TMC2: variants seen among roughly 807,000 people sequenced by gnomAD.
TMC2 encodes transmembrane channel like 2.
In TMC2, 102 loss-of-function variants were observed where a neutral mutation model predicts 105.9. The ratio of observed to expected loss-of-function variants is 0.96; its 90% confidence interval spans 0.82 to 1.14. The LOEUF is 1.14. Among genes scored for constraint, TMC2 ranks in the 50% most tolerant of loss-of-function variants. TMC2 has a pLI of 0.00. For missense variants in TMC2, 1,093 were observed against 1,134.3 expected (o/e 0.96, Z 0.52); for synonymous variants, 402 against 422.8 (o/e 0.95, Z 0.60).
chr20:2,598,678 G>C (rs2086327294), intron 10 of TMC2, among the ~76,000 whole-genome samples: 1 of 151,994 alleles, frequency 6.6e-6, no homozygotes, highest in Admixed American at 6.6e-5. Flanking sequence ...AAAGTGCTGG[G>C]ATTACAAGCA....
intron 17 of TMC2, among the ~76,000 whole-genome samples, chr20:2,632,680 C>A (rs928971107): frequency 3.9e-5 from 6 of 152,290 alleles, no homozygotes; most frequent in Admixed American, 6.5e-5. Context: ...ACCTCCACCT[C>A]CTGGGCTCAA....
chr20:2,538,163 A>G (rs996802812), intron 2 of TMC2, among the ~76,000 whole-genome samples: 2 of 151,788 alleles, frequency 1.3e-5, no homozygotes, highest in African/African-American at 4.8e-5. Context: ...CGCTCCTGTG[A>G]CCCGCTGCTG....
At chr20:2,587,281 C>A (rs1339545030) in intron 7 of TMC2, among the ~76,000 whole-genome samples, 1 of 152,050 alleles carries the variant, frequency 6.6e-6, no homozygotes, top group East Asian at 1.9e-4. Context: ...TGGGCACATA[C>A]AAATTTAAGA....
At chr20:2,598,156 T>C (rs1188946546) in intron 10 of TMC2, among the ~76,000 whole-genome samples, 1 of 149,694 alleles carries the variant, frequency 6.7e-6, no homozygotes, top group African/African-American at 2.5e-5. Flanking sequence ...AACTTATTCA[T>C]GTAACCAAAC....
At chr20:2,575,979 A>G (rs1023081636) in intron 5 of TMC2, among the ~76,000 whole-genome samples, 5 of 152,302 alleles carry the variant, frequency 3.3e-5, no homozygotes, top group Admixed American at 3.3e-4. Flanking sequence ...TCCTATTAGG[A>G]ATGCTGACCT....
chr20:2,545,908 A>G (rs867179399), intron 2 of TMC2, among the ~76,000 whole-genome samples: 7 of 121,430 alleles, frequency 5.8e-5, no homozygotes, highest in East Asian at 5.1e-4. Context: ...AAGAAAGAAA[A>G]AAAGAAAGAA....
At chr20:2,578,827 C>T (rs6115021) in intron 5 of TMC2, among the ~76,000 whole-genome samples, 16,269 of 152,274 alleles carry the variant, frequency 0.11, 992 homozygotes, top group African/African-American at 0.15. Flanking sequence ...CTAACTCAAT[C>T]GGACCCTCCA....
At position 2,616,270 on chromosome 20, in the gene TMC2, T is replaced by A. The variant is rs1290868286; in HGVS notation, c.1940+66T>A. The A allele has an allele frequency of 1.5e-6, 2 of 1,367,010 alleles. No homozygotes were observed. The highest frequency in any genetic ancestry group is 2.1e-6 in the Non-Finnish European group (2 of 955,772). 84.7% of individuals were successfully genotyped at this position (1,367,010 alleles called of 1,614,324 possible). A position where few individuals can be genotyped will look rare whatever the true frequency, so the allele number is the denominator to read the frequency against. ...AGTCAAAAAACTGGAATCCCAGACT[T>A]TGCAACTTAACTAGTTGGAAGAGGC... On this transcript the variant is annotated intron_variant, in intron 15 of 19. Coordinates refer to ENST00000358864, the MANE Select transcript of TMC2 (RefSeq NM_080751.3). The surrounding 1 kb of genome is among the most constrained non-coding windows in gnomAD (Gnocchi z 4.8).
At chr20:2,602,931 T>G (rs188699089) in intron 11 of TMC2, among the ~76,000 whole-genome samples, 106 of 152,356 alleles carry the variant, frequency 7.0e-4, no homozygotes, top group Non-Finnish European at 1.3e-3. Flanking sequence ...ATCTTTTGAA[T>G]CCACCTTAGC....
At chr20:2,611,866 A>C (rs13038185) in intron 12 of TMC2, among the ~76,000 whole-genome samples, 1 of 85,746 alleles carries the variant, frequency 1.2e-5, no homozygotes, top group African/African-American at 4.1e-5. Context: ...GGATGGATGG[A>C]TGGGTGGGTG....
At chr20:2,573,556 C>T (rs1045221934) in intron 5 of TMC2, among the ~76,000 whole-genome samples, 57 of 130,904 alleles carry the variant, frequency 4.4e-4, no homozygotes, top group African/African-American at 4.4e-4. Context: ...TTTTTCTTTT[C>T]TTTTCTTTTT....
chr20:2,585,070 T>C (rs1029423246), intron 7 of TMC2, among the ~76,000 whole-genome samples: 2 of 152,220 alleles, frequency 1.3e-5, no homozygotes, highest in African/African-American at 4.8e-5. Flanking sequence ...TAGAAATATG[T>C]AGTATGCAGT....
rs1449808280 is a variant in TMC2, at chr20:2,558,041, T to G, written c.83-415T>G. Among the ~76,000 whole-genome samples, 1 of 152,206 alleles carries G rather than the reference T, an allele frequency of 6.6e-6. No homozygotes were observed. Among genetic ancestry groups the G allele is most frequent in the Non-Finnish European group, 1.5e-5 (1 of 68,030 alleles). ...GAAGACCCAAATATACAGGGAAAAC[T>G]GTATTTTTATGGAGAGTTGTGCAGA... is the stretch of plus-strand genomic sequence containing the variant. On this transcript the variant is annotated intron_variant, in intron 2 of 19. Transcript: ENST00000358864. This position sits in a 1 kb window ranked among gnomAD's most constrained non-coding sequence, Gnocchi z 4.6.
intron 7 of TMC2, among the ~76,000 whole-genome samples, chr20:2,587,622 A>G (rs1016351451): frequency 6.6e-6 from 1 of 152,124 alleles, no homozygotes; most frequent in South Asian, 2.1e-4. Flanking sequence ...TTAATTGACA[A>G]ATATAAATTG....
At chr20:2,581,594 T>C (rs1328699386) in intron 7 of TMC2, among the ~76,000 whole-genome samples, 1 of 152,204 alleles carries the variant, frequency 6.6e-6, no homozygotes, top group African/African-American at 2.4e-5. Flanking sequence ...TTTTCCTCGG[T>C]AGTCAATGGG....
intron 11 of TMC2, among the ~76,000 whole-genome samples, chr20:2,609,998 C>A (rs1291639884): frequency 6.6e-6 from 1 of 152,118 alleles, no homozygotes; most frequent in Non-Finnish European, 1.5e-5. Context: ...CAGGTACATG[C>A]CACCACACCC....
At chr20:2,571,573 T>C (rs112475563) in intron 4 of TMC2, among the ~76,000 whole-genome samples, 1 of 152,226 alleles carries the variant, frequency 6.6e-6, no homozygotes, top group Non-Finnish European at 1.5e-5. Context: ...TTGGTGGGAA[T>C]GTAAATTAGT....
At chr20:2,582,478 T>C (rs1281328544) in intron 7 of TMC2, among the ~76,000 whole-genome samples, 1 of 151,970 alleles carries the variant, frequency 6.6e-6, no homozygotes, top group Non-Finnish European at 1.5e-5. Flanking sequence ...AAATTATTTA[T>C]ATATATATAG....
At position 2,597,225 on chromosome 20, in the gene TMC2, C is replaced by G. The variant is rs1215974806; in HGVS notation, c.1151C>G (p.Thr384Ser). 12 of 1,614,096 alleles carry G rather than the reference C, an allele frequency of 7.4e-6. No homozygotes were observed. Among genetic ancestry groups the G allele is most frequent in the Non-Finnish European group, 8.5e-7 (1 of 1,179,982 alleles). ...DNFTFSFKMFTSWDYLIGNSE... is the reference protein window; with the variant it reads ...DNFTFSFKMFSSWDYLIGNSE... ...TTCACATTCAGCTTCAAGATGTTCA[C>G]CAGCTGGGACTACCTGATCGGGAAT... The change falls in exon 10 of 20, where the codon ACC becomes AGC. Residue 384 changes from threonine (T) to serine (S), a missense_variant. Coordinates refer to ENST00000358864, the MANE Select transcript of TMC2 (RefSeq NM_080751.3).
Sources: gnomAD v4.1 joint callset for allele counts (sites outside exome capture counted in the v4.1 genomes callset) on GRCh38, gnomAD v4.1.1 for gene constraint, Gnocchi (gnomAD v3.1) non-coding constraint, MANE v1.5 for transcripts, NCBI Gene and HGNC (gene_info 2026-07-23, HGNC 2026-07-21) for gene names.